Variants in ELFN1 observed in about 807,000 individuals in gnomAD.
ELFN1 encodes extracellular leucine rich repeat and fibronectin type III domain containing 1.
ELFN1 carries 6 observed loss-of-function variants against 7.6 expected under a neutral mutation model. The observed-to-expected ratio is 0.79, with a 90% confidence interval of 0.43 to 1.56. The LOEUF (loss-of-function observed/expected upper bound fraction) is 1.56, where lower values mean the gene tolerates loss of function less well. ELFN1 is among the 40% of genes most tolerant of loss of function. ELFN1 has a pLI of 0.01. For missense variants in ELFN1, 1,169 were observed against 1,232.2 expected (o/e 0.95, Z 0.77); for synonymous variants, 657 against 588.1 (o/e 1.12, Z -1.70).
At chr7:1,671,292 T>G (rs1778761826) in intron 1 of ELFN1, among the ~76,000 whole-genome samples, 1 of 151,900 alleles carries the variant, frequency 6.6e-6, no homozygotes, top group African/African-American at 2.4e-5. Context: ...GAAATGGGGC[T>G]AGGATGATCA....
rs114777060 is a variant in ELFN1 at position 1,681,744 on chromosome 7, G to C, written c.-548-6314G>C. Among the ~76,000 whole-genome samples, 1,225 of 152,316 alleles carry C rather than the reference G, an allele frequency of 8.0e-3. 15 individuals carry two copies. Among genetic ancestry groups the C allele is most frequent in the African/African-American group, 0.027 (1,138 of 41,566 alleles). On this transcript the variant is annotated intron_variant, in intron 1 of 3. Transcript: ENST00000424383. ...AACACGTGAGGGTTCCAGCCCCTGC[G>C]TGTCTCTCACCACCTGCTATTGTCG...
intron 2 of ELFN1, among the ~76,000 whole-genome samples, chr7:1,698,952 C>G (rs1274875202): frequency 6.6e-6 from 1 of 152,196 alleles, no homozygotes; most frequent in Non-Finnish European, 1.5e-5. Context: ...GTCACCTCTC[C>G]CCCACCTCAG....
chr7:1,717,130 C>T (rs774623668), intron 3 of ELFN1, among the ~76,000 whole-genome samples: 15 of 152,136 alleles, frequency 9.9e-5, no homozygotes, highest in Non-Finnish European at 1.9e-4. Flanking sequence ...CAGCCCTGAG[C>T]GATAGGCATC....
intron 2 of ELFN1, among the ~76,000 whole-genome samples, chr7:1,689,820 C>G (rs1779123724): frequency 2.0e-5 from 3 of 152,092 alleles, no homozygotes; most frequent in Non-Finnish European, 4.4e-5. Flanking sequence ...AATGGGGAGT[C>G]CTCTGGTTCT....
rs1779293388 is a variant in ELFN1 at position 1,695,768 on chromosome 7, A to AAAAAC, written c.-456+7619_-456+7623dup. On this transcript the variant is annotated intron_variant, in intron 2 of 3. Transcript: ENST00000424383. The surrounding 1 kb of genome is among the most constrained non-coding windows in gnomAD (Gnocchi z 5.1). ...GTGTCAAAAAAAAAAAAAAAAAAAA[A>AAAAAC]AAAACCGTGCTGGTTTGGTTTCACT... is the stretch of plus-strand genomic sequence containing the variant. Among the ~76,000 whole-genome samples the AAAAAC allele has an allele frequency of 6.6e-6, 1 of 151,644 alleles. No homozygotes were observed. The highest frequency in any genetic ancestry group is 1.5e-5 in the Non-Finnish European group (1 of 67,880).
Position 1,746,724 on chromosome 7 carries a change from TC to T in ELFN1, c.2131del (p.His711ThrfsTer50). ...YGEHRHSYPGSHPAEPPAPPG... is the reference protein window; with the variant it reads ...YGEHRHSYPGXHPAEPPAPPG... ...CGAGCACCGGCACTCGTACCCCGGC[TC>T]CCACCCGGCCGAGCCACCTGCGCCC... On this transcript the variant is annotated frameshift_variant, in exon 4 of 4. Transcript: ENST00000424383. LOFTEE classifies it low-confidence loss of function (END_TRUNC). 1 of 1,479,060 alleles carries T rather than the reference TC, an allele frequency of 6.8e-7. No homozygotes were observed. The highest frequency in any genetic ancestry group is 1.3e-5 in the South Asian group (1 of 78,872). The allele number at this position is 1,479,060 out of a possible 1,614,324, so 91.6% of individuals were successfully genotyped here.
intron 3 of ELFN1, among the ~76,000 whole-genome samples, chr7:1,729,741 C>G (rs575199980): frequency 6.6e-6 from 1 of 152,226 alleles, no homozygotes; most frequent in South Asian, 2.1e-4. Context: ...CAGACAGGGT[C>G]GGCCCTAGTA....
chr7:1,717,663 C>T (rs150728924), intron 3 of ELFN1, among the ~76,000 whole-genome samples: 64 of 152,228 alleles, frequency 4.2e-4, no homozygotes, highest in African/African-American at 1.5e-3. Context: ...GAGTGGCCTT[C>T]TAGGAAAGAA....
At chr7:1,698,894 C>G (rs1313529903) in intron 2 of ELFN1, among the ~76,000 whole-genome samples, 3 of 152,166 alleles carry the variant, frequency 2.0e-5, no homozygotes, top group Non-Finnish European at 4.4e-5. Flanking sequence ...AGAACAAAAC[C>G]AGCCCCCCGT....
intron 2 of ELFN1, among the ~76,000 whole-genome samples, chr7:1,696,175 A>AGTGTGTGT (rs140207256): frequency 8.8e-5 from 13 of 147,990 alleles, no homozygotes; most frequent in African/African-American, 3.0e-4. Flanking sequence ...AGAGAGAGAG[A>AGTGTGTGT]GTGTGTGTGT....
At chr7:1,734,700 T>C (rs957200009) in intron 3 of ELFN1, among the ~76,000 whole-genome samples, 2 of 151,658 alleles carry the variant, frequency 1.3e-5, no homozygotes, top group African/African-American at 2.4e-5. Context: ...ATTTTCACTT[T>C]TTTTTTCTTT....
intron 1 of ELFN1, among the ~76,000 whole-genome samples, chr7:1,683,655 C>G (rs931706494): frequency 6.6e-6 from 1 of 152,156 alleles, no homozygotes; most frequent in Non-Finnish European, 1.5e-5. Flanking sequence ...AAATCCCCAA[C>G]TATTTTTGTT....
intron 3 of ELFN1, among the ~76,000 whole-genome samples, chr7:1,724,712 C>CG (rs1475260929): frequency 6.6e-6 from 1 of 152,172 alleles, no homozygotes; most frequent in African/African-American, 2.4e-5. Flanking sequence ...ACGCGACTCC[C>CG]CCCAGGGCCT....
intron 1 of ELFN1, among the ~76,000 whole-genome samples, chr7:1,676,755 C>A (rs1252375415): frequency 6.6e-6 from 1 of 152,208 alleles, no homozygotes; most frequent in African/African-American, 2.4e-5. Context: ...AAGGGCAAGG[C>A]CAGTGCAGCT....
intron 2 of ELFN1, among the ~76,000 whole-genome samples, chr7:1,688,461 C>T (rs982887529): frequency 1.3e-5 from 2 of 152,110 alleles, no homozygotes; most frequent in Non-Finnish European, 2.9e-5. Context: ...TATTGTTTTA[C>T]ACCTGACATT....
intron 2 of ELFN1, chr7:1,693,258 G>C (rs964263082): frequency 2.3e-6 from 1 of 437,408 alleles, no homozygotes; most frequent in Non-Finnish European, 4.9e-6. Context: ...CAGACGTGGG[G>C]TTAGGAAGAG....
intron 3 of ELFN1, among the ~76,000 whole-genome samples, chr7:1,731,833 A>G (rs1228253340): frequency 1.3e-5 from 2 of 152,150 alleles, no homozygotes; most frequent in Non-Finnish European, 2.9e-5. Flanking sequence ...TATTTTTAGT[A>G]GAGACGGGGT....
At position 1,740,155 on chromosome 7, in the gene ELFN1, CGCCACG is replaced by C. The variant is rs1780568461; in HGVS notation, c.-293-4145_-293-4140del. Among the ~76,000 whole-genome samples the C allele has an allele frequency of 1.3e-5, 2 of 152,178 alleles. No individual in the cohort carries two copies. The highest frequency in any genetic ancestry group is 4.1e-4 in the South Asian group (2 of 4,830). On this transcript the variant is annotated intron_variant, in intron 3 of 3. Transcript: ENST00000424383. This position sits in a 1 kb window ranked among gnomAD's most constrained non-coding sequence, Gnocchi z 5.0. ...ACCTGAGGGGTGCCCATTCCAGAGG[CGCCACG>C]GCCTCTGTGTCTCCCTGAGGCAGGA...
rs147205643 is a variant in ELFN1 at position 1,735,191 on chromosome 7, G to A, written c.-293-9113G>A. On this transcript the variant is annotated intron_variant, in intron 3 of 3. Transcript: ENST00000424383. This position sits in a 1 kb window ranked among gnomAD's most constrained non-coding sequence, Gnocchi z 5.9. ...TTGCATGCGGGAGGTGCTGCACACC[G>A]GCGGACCGTCGAGGAAACAGGAGCT... Among the ~76,000 whole-genome samples, 89 of 152,266 alleles carry A rather than the reference G, an allele frequency of 5.8e-4. 1 individual carries two copies. In the East Asian group the frequency reaches 0.013, roughly 22 times the overall value.
Sources: allele counts gnomAD v4.1 joint callset (sites outside exome capture counted in the v4.1 genomes callset), GRCh38; gene constraint gnomAD v4.1.1; non-coding constraint Gnocchi (gnomAD v3.1); transcripts MANE v1.5; gene names NCBI Gene and HGNC (gene_info 2026-07-23, HGNC 2026-07-21).